CALN1: variants seen among roughly 807,000 people sequenced by gnomAD.
The protein encoded by CALN1 is calcium-binding protein 8.
In CALN1, 17 loss-of-function variants were observed where a neutral mutation model predicts 30.6. The observed-to-expected ratio is 0.56, with a 90% CI of 0.38 to 0.83. The LOEUF (loss-of-function observed/expected upper bound fraction) is 0.83. Ranked by LOEUF, CALN1 falls within the 40% of genes least tolerant of loss-of-function variation. The pLI, the probability that CALN1 is intolerant of heterozygous loss-of-function variation, is 0.00. For missense variants in CALN1, 291 were observed against 354.9 expected (o/e 0.82, Z 1.45); for synonymous variants, 156 against 131.4 (o/e 1.19, Z -1.28).
At chr7:71,816,298 T>C (rs1180020632) in intron 5 of CALN1, among the ~76,000 whole-genome samples, 6 of 152,144 alleles carry the variant, frequency 3.9e-5, no homozygotes, top group African/African-American at 1.4e-4. Flanking sequence ...CATTAGAGTT[T>C]AACGATCCTA....
intron 3 of CALN1, among the ~76,000 whole-genome samples, chr7:72,221,888 C>A (rs1194498696): frequency 1.3e-5 from 2 of 148,352 alleles, no homozygotes. Context: ...GACTCCATCT[C>A]AAAAAAAAAA....
chr7:72,136,826 G>A (rs1432711452), intron 3 of CALN1, among the ~76,000 whole-genome samples: 1 of 152,136 alleles, frequency 6.6e-6, no homozygotes, highest in African/African-American at 2.4e-5. Context: ...AGACAGATAG[G>A]GAAGGGCTGG....
At chr7:71,897,972 C>CAAA (rs1207497270) in intron 5 of CALN1, among the ~76,000 whole-genome samples, 6 of 59,048 alleles carry the variant, frequency 1.0e-4, no homozygotes, top group Admixed American at 5.7e-4. Context: ...AAACAAAAAA[C>CAAA]AAAAAAAAAA....
chr7:72,351,065 C>A (rs371599299), intron 2 of CALN1, among the ~76,000 whole-genome samples: 13 of 152,162 alleles, frequency 8.5e-5, no homozygotes, highest in African/African-American at 3.1e-4. Context: ...CACTGGAACC[C>A]GGGAGGTGGA....
intron 3 of CALN1, among the ~76,000 whole-genome samples, chr7:72,113,039 G>A (rs531447722): frequency 1.3e-3 from 198 of 152,232 alleles, no homozygotes; most frequent in Non-Finnish European, 2.2e-3. Context: ...GTGGAGAAAC[G>A]AGAAACACTG....
At chr7:72,214,249 G>A (rs942748508) in intron 3 of CALN1, among the ~76,000 whole-genome samples, 7 of 152,212 alleles carry the variant, frequency 4.6e-5, no homozygotes, top group Non-Finnish European at 8.8e-5. Context: ...GGAGGCCTAG[G>A]CAGACGGATT....
At chr7:72,376,833 A>G (rs566484597) in intron 2 of CALN1, among the ~76,000 whole-genome samples, 108 of 152,308 alleles carry the variant, frequency 7.1e-4, no homozygotes, top group Non-Finnish European at 1.2e-3. Flanking sequence ...TTGTAACTTT[A>G]GCTCTGGCAT....
intron 4 of CALN1, among the ~76,000 whole-genome samples, chr7:72,098,759 G>GGC (rs10551417): frequency 7.0e-4 from 45 of 64,544 alleles, no homozygotes; most frequent in African/African-American, 2.1e-3. Context: ...CAGCCCATTT[G>GGC]GCGCGCACAC....
chr7:72,484,496 G>A, the CALN1 span, among the ~76,000 whole-genome samples: 27 of 152,128 alleles, frequency 1.8e-4, no homozygotes, highest in Admixed American at 3.9e-4. Flanking sequence ...CATCATCACC[G>A]CTAATCCTTT....
chr7:72,334,423 C>T (rs541382433), intron 2 of CALN1, among the ~76,000 whole-genome samples: 1 of 152,270 alleles, frequency 6.6e-6, no homozygotes, highest in Admixed American at 6.5e-5. Context: ...AATGCGACCC[C>T]AGCCCTGCCC....
intron 2 of CALN1, among the ~76,000 whole-genome samples, chr7:72,385,550 G>A (rs1187604708): frequency 6.6e-6 from 1 of 151,774 alleles, no homozygotes; most frequent in Non-Finnish European, 1.5e-5. Flanking sequence ...AGGTACCACA[G>A]GAAAATGGAA....
At chr7:72,095,304 A>T (rs1806144999) in intron 4 of CALN1, among the ~76,000 whole-genome samples, 1 of 152,182 alleles carries the variant, frequency 6.6e-6, no homozygotes, top group South Asian at 2.1e-4. Flanking sequence ...TGCATTAGCT[A>T]GTATTATTGT....
chr7:72,153,717 T>C (rs1320868585), intron 3 of CALN1, among the ~76,000 whole-genome samples: 1 of 151,910 alleles, frequency 6.6e-6, no homozygotes, highest in Non-Finnish European at 1.5e-5. Context: ...AGAAAGTTGT[T>C]AGAAAAAGGC....
chr7:72,254,772 C>A (rs1795801447), intron 3 of CALN1, among the ~76,000 whole-genome samples: 2 of 151,712 alleles, frequency 1.3e-5, no homozygotes, highest in Admixed American at 1.3e-4. Flanking sequence ...TTTTTCTTTC[C>A]CCCCCGCTGA....
intron 2 of CALN1, among the ~76,000 whole-genome samples, chr7:72,297,063 T>C (rs1001469323): frequency 2.0e-5 from 3 of 152,160 alleles, no homozygotes; most frequent in Non-Finnish European, 4.4e-5. Flanking sequence ...TGTGGGCATT[T>C]AGTGCTATAA....
chr7:72,312,958 C>T (rs1221160771), intron 2 of CALN1, among the ~76,000 whole-genome samples: 3 of 152,072 alleles, frequency 2.0e-5, no homozygotes, highest in African/African-American at 7.2e-5. Context: ...CCTCAGCCTC[C>T]CAAGTAGCTG....
chr7:71,992,370 T>C (rs1798999714), intron 5 of CALN1, among the ~76,000 whole-genome samples: 1 of 152,214 alleles, frequency 6.6e-6, no homozygotes. Flanking sequence ...TACTATTATT[T>C]TTCTTAGAGA....
At chr7:72,244,087 C>G (rs1001309243) in intron 3 of CALN1, among the ~76,000 whole-genome samples, 1 of 152,116 alleles carries the variant, frequency 6.6e-6, no homozygotes, top group Non-Finnish European at 1.5e-5. Flanking sequence ...TCTCCTTGCT[C>G]AAGACCATAC....
chr7:72,301,052 C>T (rs1326508255), intron 2 of CALN1, among the ~76,000 whole-genome samples: 1 of 151,966 alleles, frequency 6.6e-6, no homozygotes, highest in African/African-American at 2.4e-5. Flanking sequence ...CATCATTGGC[C>T]CAAAAACTTT....
Sources: gnomAD v4.1 joint callset for allele counts (sites outside exome capture counted in the v4.1 genomes callset) on GRCh38, gnomAD v4.1.1 for gene constraint, MANE v1.5 for transcripts, NCBI Gene and HGNC (gene_info 2026-07-23, HGNC 2026-07-21) for gene names.